Variants in ELFN2 observed in about 807,000 individuals in gnomAD.
ELFN2 encodes protein phosphatase 1 regulatory subunit 29.
Under a neutral mutation model 45.5 loss-of-function variants are expected in ELFN2, and 17 were observed. That is an observed-to-expected ratio of 0.37 (90% CI 0.26 to 0.56). ELFN2 has a LOEUF of 0.56. Ranked by LOEUF, ELFN2 falls within the 20% of genes least tolerant of loss-of-function variation. The pLI is 0.77. For missense variants in ELFN2, 922 were observed against 1,183.2 expected (o/e 0.78, Z 3.24); for synonymous variants, 550 against 551.5 (o/e 1.00, Z 0.04).
At position 37,373,459 on chromosome 22, in the gene ELFN2, C is replaced by T; in HGVS notation, c.2076G>A (p.Gly692=). ...AGSGGGSGGG[G]GIHHLEVKPA... ...GCTTCACCTCCAGGTGGTGGATGCC[C>T]CCGCCCCCGCCGCTGCCCCCGCCGC... is the stretch of plus-strand genomic sequence containing the variant. The change falls in exon 3 of 3, where the codon GGG becomes GGA. Residue 692 remains glycine (G), a synonymous_variant. Transcript: ENST00000402918. 1 of 1,529,114 alleles carries T rather than the reference C, an allele frequency of 6.5e-7. No individual in the cohort carries two copies. The highest frequency in any genetic ancestry group is 1.4e-5 in the African/African-American group (1 of 73,004). The allele number at this position is 1,529,114 out of a possible 1,614,324, so 94.7% of individuals were successfully genotyped here.
intron 1 of ELFN2, among the ~76,000 whole-genome samples, chr22:37,349,965 A>G (rs904964573): frequency 6.6e-6 from 1 of 150,942 alleles, no homozygotes; most frequent in African/African-American, 2.4e-5. Context: ...GATGCTCCCC[A>G]TGAGATCGGA....
chr22:37,399,049 A>C (rs1184013388), intron 2 of ELFN2, among the ~76,000 whole-genome samples: 3 of 151,706 alleles, frequency 2.0e-5, no homozygotes, highest in Non-Finnish European at 4.4e-5. Context: ...GCCCGGAGGG[A>C]GCTCAGGGGC....
intron 2 of ELFN2, among the ~76,000 whole-genome samples, chr22:37,382,838 C>G (rs1319053155): frequency 1.3e-5 from 2 of 152,156 alleles, no homozygotes; most frequent in African/African-American, 4.8e-5. Context: ...ACCCAGCCAC[C>G]GTACCTGGCC....
At chr22:37,355,956 A>G (rs1002143659) in intron 1 of ELFN2, among the ~76,000 whole-genome samples, 1 of 152,194 alleles carries the variant, frequency 6.6e-6, no homozygotes, top group Non-Finnish European at 1.5e-5. Context: ...CTTGCTGAAG[A>G]AATAATGTGT....
intron 2 of ELFN2, among the ~76,000 whole-genome samples, chr22:37,393,119 T>C (rs1279673689): frequency 4.6e-5 from 7 of 152,202 alleles, no homozygotes; most frequent in African/African-American, 1.4e-4. Flanking sequence ...CTGTGTGACC[T>C]TGAGCCAGGC....
intron 2 of ELFN2, among the ~76,000 whole-genome samples, chr22:37,393,491 C>T (rs576036440): frequency 2.6e-5 from 4 of 152,326 alleles, no homozygotes; most frequent in African/African-American, 4.8e-5. Flanking sequence ...TGACACCCCC[C>T]ACCAGTTGCC....
chr22:37,408,174 C>A (rs1269622182), intron 2 of ELFN2, among the ~76,000 whole-genome samples: 1 of 152,226 alleles, frequency 6.6e-6, no homozygotes, highest in East Asian at 1.9e-4. Context: ...AGACAGATGA[C>A]CACCATGTCC....
intron 1 of ELFN2, 100 bp downstream of exon 1, chr22:37,427,198 C>A (rs1236148924): frequency 6.6e-6 from 1 of 152,188 alleles, no homozygotes; most frequent in Admixed American, 6.5e-5. Context: ...CCAAGCCCCA[C>A]CCCCACTGAC....
At chr22:37,394,859 C>T (rs971983036) in intron 2 of ELFN2, among the ~76,000 whole-genome samples, 2 of 152,168 alleles carry the variant, frequency 1.3e-5, no homozygotes, top group African/African-American at 4.8e-5. Context: ...AATCCCAACA[C>T]TTTAGGAGGC....
At chr22:37,381,178 T>G (rs1931751833) in intron 2 of ELFN2, among the ~76,000 whole-genome samples, 1 of 152,112 alleles carries the variant, frequency 6.6e-6, no homozygotes, top group Non-Finnish European at 1.5e-5. Context: ...GAATCTTATA[T>G]CAACCCCACA....
rs146805098 is a variant in ELFN2, at chr22:37,403,622, C to T, written c.-463+14147G>A. Among the ~76,000 whole-genome samples the T allele has an allele frequency of 3.8e-4, 58 of 152,294 alleles. No individual in the cohort carries two copies. The East Asian group carries it at 0.011, about 28-fold the overall frequency. ...CGGGGTCTAGCGAGGGGCTGACATT[C>T]GCCCCAAATTCACATAGCAGGCCCT... On this transcript the variant is annotated intron_variant, in intron 2 of 2. Coordinates refer to ENST00000402918, the MANE Select transcript of ELFN2 (RefSeq NM_052906.5).
chr22:37,401,674 C>T lies in ELFN2; in HGVS notation c.-463+16095G>A, dbSNP rs150252555. ...TGCCTAATGCGAGCCTGGGGGCCAC[C>T]GCCCTAGGAGGCGCGTGAGGTTTCC... On this transcript the variant is annotated intron_variant, in intron 2 of 2. Transcript: ENST00000402918. 3.9e-3 allele frequency among the ~76,000 whole-genome samples: 590 copies of T among 152,332 alleles called. 3 individuals are homozygous for T. Among genetic ancestry groups the T allele is most frequent in the African/African-American group, 0.013 (546 of 41,574 alleles).
intron 1 of ELFN2, among the ~76,000 whole-genome samples, chr22:37,346,313 C>T (rs917124321): frequency 1.3e-5 from 2 of 152,184 alleles, no homozygotes; most frequent in Non-Finnish European, 2.9e-5. Context: ...CTGGCCGGAG[C>T]AGGTGGGGTG....
chr22:37,388,566 T>C (rs916398226), intron 2 of ELFN2, among the ~76,000 whole-genome samples: 1 of 152,234 alleles, frequency 6.6e-6, no homozygotes, highest in Non-Finnish European at 1.5e-5. Context: ...GAACCAGGTC[T>C]GTGACTCCAG....
At position 37,344,222 on chromosome 22, in the gene ELFN2, ACCCACCTGCCCATG is replaced by A. The variant is rs1180427324; in HGVS notation, n.149-1533_149-1520del. On this transcript the variant is annotated intron_variant and non_coding_transcript_variant, in intron 1 of 2. Coordinates refer to ENST00000452946, the Ensembl canonical transcript of ELFN2. ...ACACCTGCCCATGCCCCCTGCCCAC[ACCCACCTGCCCATG>A]CCCACCTGCCCACACCCACCTACAA... 4.1e-3 allele frequency among the ~76,000 whole-genome samples: 145 copies of A among 34,944 alleles called. 1 individual carries two copies. The highest frequency in any genetic ancestry group is 5.0e-3 in the Non-Finnish European group (86 of 17,332). 22.9% of individuals were successfully genotyped at this position (34,944 alleles called of 152,430 possible).
At chr22:37,406,095 T>C (rs936195525) in intron 2 of ELFN2, among the ~76,000 whole-genome samples, 8 of 152,114 alleles carry the variant, frequency 5.3e-5, no homozygotes, top group East Asian at 1.9e-4. Context: ...TGAGCCACGA[T>C]TGCACCACTG....
chr22:37,394,483 C>T (rs963220977), intron 2 of ELFN2, among the ~76,000 whole-genome samples: 2 of 152,346 alleles, frequency 1.3e-5, no homozygotes, highest in South Asian at 2.1e-4. Context: ...GGCTCCCTCC[C>T]GCCCTCCTCC....
intron 2 of ELFN2, among the ~76,000 whole-genome samples, chr22:37,391,658 T>C (rs138852347): frequency 5.4e-4 from 82 of 152,264 alleles, no homozygotes; most frequent in African/African-American, 1.8e-3. Context: ...AAAGGGACGG[T>C]GTCTGGGACT....
chr22:37,354,330 A>C (rs1601734190), intron 1 of ELFN2: 1 of 152,172 alleles, frequency 6.6e-6, no homozygotes, highest in Non-Finnish European at 1.5e-5. Context: ...TGAAATATCT[A>C]TTGTTTTGAT....
Sources: allele counts gnomAD v4.1 joint callset (sites outside exome capture counted in the v4.1 genomes callset), GRCh38; gene constraint gnomAD v4.1.1; transcripts MANE v1.5; gene names NCBI Gene and HGNC (gene_info 2026-07-23, HGNC 2026-07-21).